MYCBPAP: variants seen among roughly 807,000 people sequenced by gnomAD.
The protein encoded by MYCBPAP is MYCBP-associated protein.
Under a neutral mutation model 106.1 loss-of-function variants are expected in MYCBPAP, and 60 were observed. That is an observed-to-expected ratio of 0.57 (90% CI 0.46 to 0.70). The LOEUF (loss-of-function observed/expected upper bound fraction) is 0.70. Among genes scored for constraint, MYCBPAP ranks in the 30% least tolerant of loss-of-function variants. The pLI is 0.00. For synonymous variants in MYCBPAP, 407 were observed against 440.6 expected, an observed-to-expected ratio of 0.92 and a Z score of 0.95; for missense variants, 1,064 against 1,169.3, an observed-to-expected ratio of 0.91 and a Z score of 1.31.
chr17:50,509,713 A>G (rs1322740256), intron 1 of MYCBPAP: 4 of 155,896 alleles, frequency 2.6e-5, no homozygotes, highest in African/African-American at 9.7e-5. Flanking sequence ...GTTTACTGAG[A>G]GCTGATTTTG....
Position 50,529,125 on chromosome 17 carries a change from C to G in MYCBPAP, c.2661C>G (p.Leu887=), listed in dbSNP as rs2034554883. 1.9e-6 allele frequency: 3 copies of G among 1,613,890 alleles called. No individual in the cohort carries two copies. Among genetic ancestry groups the G allele is most frequent in the African/African-American group, 1.3e-5 (1 of 74,924 alleles). Reference sequence around the variant, plus strand: ...AAGACCCTACCCCTGACATCATCCTCTCTTCTCAAGAACCCATAGACCCCC... The same window carrying G: ...AAGACCCTACCCCTGACATCATCCTGTCTTCTCAAGAACCCATAGACCCCC... ...SLEDPTPDII[L]SSQEPIDPLV... Residue 887 remains leucine, a synonymous_variant, in exon 18 of 19, where the codon CTC becomes CTG. Coordinates refer to ENST00000323776, the MANE Select transcript of MYCBPAP (RefSeq NM_032133.6).
intron 1 of MYCBPAP, among the ~76,000 whole-genome samples, chr17:50,514,324 C>T (rs1308330258): frequency 6.6e-6 from 1 of 152,158 alleles, no homozygotes. Context: ...GTGATATTGC[C>T]TCTTAAAGAT....
chr17:50,525,482 A>AT (rs1407986484), intron 13 of MYCBPAP, among the ~76,000 whole-genome samples: 1 of 151,742 alleles, frequency 6.6e-6, no homozygotes, highest in African/African-American at 2.4e-5. Flanking sequence ...GGTACTATTT[A>AT]TTTTTGTTTA....
In MYCBPAP at chr17:50,521,107, T is replaced by C. The variant is rs748014561; in HGVS notation, c.917-3T>C. ...TGCTGAGGGTCCTTGGACCTCATGC[T>C]AGGATTACCAGCCCAGAGGGACGCT... On this transcript the variant is annotated splice_region_variant and splice_polypyrimidine_tract_variant and intron_variant, in intron 7 of 18. Coordinates refer to ENST00000323776, the MANE Select transcript of MYCBPAP (RefSeq NM_032133.6). 3.0e-5 allele frequency: 48 copies of C among 1,609,872 alleles called. No individual in the cohort carries two copies. Among genetic ancestry groups the C allele is most frequent in the Non-Finnish European group, 4.0e-5 (47 of 1,178,390 alleles).
chr17:50,509,451 T>C (rs750413477), intron 1 of MYCBPAP: 5 of 305,304 alleles, frequency 1.6e-5, no homozygotes, highest in Non-Finnish European at 3.1e-5. Flanking sequence ...CATGGACATG[T>C]TCTCACTTGC....
At chr17:50,508,853 G>A in intron 1 of MYCBPAP, 103 bp downstream of exon 1, 2 of 1,061,718 alleles carry the variant, frequency 1.9e-6, no homozygotes, top group Non-Finnish European at 2.9e-6. Flanking sequence ...TGGCACCAGG[G>A]ATGGAGGAAA....
Position 50,528,078 on chromosome 17 carries a change from G to A in MYCBPAP, c.2292-77G>A, listed in dbSNP as rs1213087408. ...AGCTCGTGGCACCAGGGTCTTTGAAGGGAGGGACCCAAGCCTCTGCAGGTT... is the reference window on the plus strand; with the variant it reads ...AGCTCGTGGCACCAGGGTCTTTGAAAGGAGGGACCCAAGCCTCTGCAGGTT... On this transcript the variant is annotated intron_variant, in intron 15 of 18. Transcript: ENST00000323776. 3.2e-6 allele frequency: 4 copies of A among 1,244,378 alleles called. No individual in the cohort carries two copies. The South Asian group carries it at 3.8e-5, about 12-fold the overall frequency. 77.1% of individuals were successfully genotyped at this position (1,244,378 alleles called of 1,614,324 possible).
intron 11 of MYCBPAP, 44 bp from the exon 12 acceptor site, chr17:50,523,553 C>T (rs1234412061): frequency 1.2e-6 from 2 of 1,601,226 alleles, no homozygotes; most frequent in South Asian, 1.1e-5. Context: ...TGGGGCTCAG[C>T]CAGCTCCTGC....
In MYCBPAP at chr17:50,523,047, TGGCGAC is replaced by T. The variant is rs751450349; in HGVS notation, c.1370_1375del (p.Arg457_Arg458del). On this transcript the variant is annotated inframe_deletion, in exon 11 of 19. Transcript: ENST00000323776. Reference sequence around the variant, plus strand: ...TGGCACCGTGGCCATTTGGTATGACTGGCGACGGCAGCACCAGCCGGACACTTTCCA... The same window carrying T: ...TGGCACCGTGGCCATTTGGTATGACTGGCAGCACCAGCCGGACACTTTCCA... 3 of 1,614,116 alleles carry T rather than the reference TGGCGAC, an allele frequency of 1.9e-6. No homozygotes were observed. The highest frequency in any genetic ancestry group is 2.5e-6 in the Non-Finnish European group (3 of 1,180,030).
At chr17:50,522,264 C>T (rs1271835008) in intron 10 of MYCBPAP, 183 bp downstream of exon 10, 14 of 519,390 alleles carry the variant, frequency 2.7e-5, no homozygotes, top group Non-Finnish European at 3.2e-5. Flanking sequence ...CACAAGGCTG[C>T]GAGTGTCATA....
At chr17:50,530,067 G>A in intron 18 of MYCBPAP, 1 of 358,602 alleles carries the variant, frequency 2.8e-6, no homozygotes, top group East Asian at 7.4e-5. Context: ...GATCTCATTT[G>A]ATCAAAAGTT....
In MYCBPAP at chr17:50,526,129, C is replaced by A. The variant is rs779355287; in HGVS notation, c.2031C>A (p.Thr677=). 2 of 1,613,702 alleles carry A rather than the reference C, an allele frequency of 1.2e-6. No homozygotes were observed. Among genetic ancestry groups the A allele is most frequent in the South Asian group, 2.2e-5 (2 of 91,066 alleles). The change falls in exon 14 of 19, where the codon ACC becomes ACA. Residue 677 remains threonine, a synonymous_variant. Coordinates refer to ENST00000323776, the MANE Select transcript of MYCBPAP (RefSeq NM_032133.6). ...ESGSQKARVG[T]KSPQRKSIME... ...GGTCCCAGAAGGCCAGAGTGGGGAC[C>A]AAGAGTCCTCAGCGGAAGAGCATCA...
At position 50,517,612 on chromosome 17, in the gene MYCBPAP, G is replaced by A. The variant is rs75706684; in HGVS notation, c.382G>A (p.Asp128Asn). 7,493 of 1,614,068 alleles carry A rather than the reference G, an allele frequency of 4.6e-3. 306 individuals are homozygous for A. In the African/African-American group the frequency reaches 0.086, roughly 18 times the overall value. The stretch of plus-strand genomic sequence containing the variant: ...CCTCCCAGGTCCCGGTGACAGCTTC[G>A]ATGGCAGTGACCAGATCCTGCCCCA... ...LDYSGPGDSF[D>N]GSDQILPHHI... The change falls in exon 4 of 19, where the codon GAT becomes AAT. Residue 128 changes from aspartate to asparagine, a missense_variant. Coordinates refer to ENST00000323776, the MANE Select transcript of MYCBPAP (RefSeq NM_032133.6).
At chr17:50,516,468 C>A in intron 1 of MYCBPAP, 102 bp from the exon 2 acceptor site, 2 of 1,357,808 alleles carry the variant, frequency 1.5e-6, no homozygotes, top group Non-Finnish European at 9.8e-7. Flanking sequence ...TGCCCCCCAC[C>A]ATGGAGTCTA....
At position 50,523,071 on chromosome 17, in the gene MYCBPAP, ACTTTCCAAGAC is replaced by A. The variant is rs1597838913; in HGVS notation, c.1394_1404del (p.Phe465Ter). ...CTGGCGACGGCAGCACCAGCCGGAC[ACTTTCCAAGAC>A]CTTAAGAAAAACAGGATGCAGCGAT... On this transcript the variant is annotated frameshift_variant, in exon 11 of 19. Transcript: ENST00000323776. LOFTEE classifies it high-confidence loss of function. The A allele has an allele frequency of 6.2e-7, 1 of 1,614,138 alleles. No homozygotes were observed. Among genetic ancestry groups the A allele is most frequent in the East Asian group, 2.2e-5 (1 of 44,874 alleles).
Position 50,525,954 on chromosome 17 carries a change from C to G in MYCBPAP, c.1856C>G (p.Ala619Gly). The change falls in exon 14 of 19, where the codon GCT becomes GGT. Residue 619 changes from alanine to glycine, a missense_variant. Transcript: ENST00000323776. ...WRQYMTLPAK[A>G]EEARPGDKEH... is the part of the protein sequence containing the mutation. Reference sequence around the variant, plus strand: ...CAGTACATGACCCTGCCCGCCAAGGCTGAGGAGGCCAGGCCAGGGGACAAG... The same window carrying G: ...CAGTACATGACCCTGCCCGCCAAGGGTGAGGAGGCCAGGCCAGGGGACAAG... 3 of 1,613,746 alleles carry G rather than the reference C, an allele frequency of 1.9e-6. No individual in the cohort carries two copies. The highest frequency in any genetic ancestry group is 2.5e-6 in the Non-Finnish European group (3 of 1,180,012).
At position 50,526,318 on chromosome 17, in the gene MYCBPAP, C is replaced by A. The variant is rs372716141; in HGVS notation, c.2169+51C>A. The A allele has an allele frequency of 3.8e-5, 58 of 1,518,022 alleles. No homozygotes were observed. The African/African-American group carries it at 7.2e-4, about 19-fold the overall frequency. The allele number at this position is 1,518,022 out of a possible 1,614,324, so 94.0% of individuals were successfully genotyped here. ...TGGTAGAGAATATTCCTGCCTCGAA[C>A]CAACAAGGGAGGACCCAGCAGCCCC... On this transcript the variant is annotated intron_variant, in intron 14 of 18. Coordinates refer to ENST00000323776, the MANE Select transcript of MYCBPAP (RefSeq NM_032133.6).
At chr17:50,509,216 G>C (rs1302233221) in intron 1 of MYCBPAP, 14 of 695,656 alleles carry the variant, frequency 2.0e-5, no homozygotes, top group Middle Eastern at 2.7e-4. Context: ...AGCGGGGCAG[G>C]CGTCACTTAG....
rs1485826143 is a variant in MYCBPAP, at chr17:50,528,197, T to G, written c.2334T>G (p.His778Gln). The G allele has an allele frequency of 6.2e-7, 1 of 1,614,188 alleles. No homozygotes were observed. Among genetic ancestry groups the G allele is most frequent in the Non-Finnish European group, 8.5e-7 (1 of 1,180,022 alleles). Residue 778 changes from histidine (H) to glutamine (Q), a missense_variant, in exon 16 of 19, where the codon CAT becomes CAG. His to Gln is a conservative substitution (Grantham distance 24, BLOSUM62 0). Coordinates refer to ENST00000323776, the MANE Select transcript of MYCBPAP (RefSeq NM_032133.6). ...WRDVIDSLVG[H>Q]SMWLRSVLGL... ...ATGTGATTGACAGCCTGGTGGGCCA[T>G]TCCATGTGGCTGAGGTCTGTGCTGG... is the stretch of plus-strand genomic sequence containing the variant.
Sources: gnomAD v4.1 joint callset for allele counts (sites outside exome capture counted in the v4.1 genomes callset) on GRCh38, gnomAD v4.1.1 for gene constraint, MANE v1.5 for transcripts, NCBI Gene and HGNC (gene_info 2026-07-23, HGNC 2026-07-21) for gene names.